The following ARID3A variants were observed in gnomAD, a reference collection of about 807,000 sequenced individuals.
The protein encoded by ARID3A is AT-rich interaction domain 3A, also known as AT-rich interactive domain-containing protein 3A.
A neutral mutation model predicts 52.7 loss-of-function variants in ARID3A; 11 were observed. That is an observed-to-expected ratio of 0.21 (90% CI 0.13 to 0.35). The LOEUF (loss-of-function observed/expected upper bound fraction) is 0.35. ARID3A is among the 10% of genes least tolerant of loss of function. The pLI, the probability that ARID3A is intolerant of heterozygous loss-of-function variation, is 1.00. For missense variants in ARID3A, 721 were observed against 838.5 expected, an observed-to-expected ratio of 0.86 and a Z score of 1.73; for synonymous variants, 404 against 359.4, an observed-to-expected ratio of 1.12 and a Z score of -1.40.
upstream of ARID3A, chr19:926,028 G>T (rs1002802300): frequency 6.6e-6 from 1 of 150,834 alleles, no homozygotes; most frequent in African/African-American, 2.4e-5. Context: ...ATCGGGCGGA[G>T]GGGTGTAGAC....
rs2037856977 is a variant in ARID3A, at chr19:953,839, T to C, written c.694-6253T>C. 2.0e-5 allele frequency among the ~76,000 whole-genome samples: 3 copies of C among 152,112 alleles called. No individual in the cohort carries two copies. In the South Asian group the frequency reaches 6.2e-4, roughly 32 times the overall value. Reference sequence around the variant, plus strand: ...CTGTAATCCCAGCGCTGTGGGAGGCTGAGGCAGGAGGATCACTTAAGGCCA... The same window carrying C: ...CTGTAATCCCAGCGCTGTGGGAGGCCGAGGCAGGAGGATCACTTAAGGCCA... On this transcript the variant is annotated intron_variant, in intron 3 of 8. Transcript: ENST00000263620.
In ARID3A at chr19:975,602, A is replaced by C. The variant is rs2038362206; in HGVS notation, c.*3537A>C. The C allele has an allele frequency of 4.7e-6, 1 of 214,722 alleles. No homozygotes were observed. Among genetic ancestry groups the C allele is most frequent in the Non-Finnish European group, 9.4e-6 (1 of 106,616 alleles). The allele number at this position is 214,722 out of a possible 1,614,324, so 13.3% of individuals were successfully genotyped here. A position where few individuals can be genotyped will look rare whatever the true frequency, so the allele number is the denominator to read the frequency against. On this transcript the variant is annotated 3_prime_UTR_variant, in exon 9 of 9. Transcript: ENST00000263620. ...AACTCAGGTAATAGGAGGAAAAAAAAAAAAACTTAAAAAAATTTTTAAAAA... is the reference window on the plus strand; with the variant it reads ...AACTCAGGTAATAGGAGGAAAAAAACAAAAACTTAAAAAAATTTTTAAAAA...
intron 3 of ARID3A, among the ~76,000 whole-genome samples, chr19:939,291 G>A (rs879470376): frequency 1.6e-4 from 25 of 151,890 alleles, no homozygotes; most frequent in Non-Finnish European, 3.2e-4. Flanking sequence ...GCTTATTTTT[G>A]TATTTTTAGT....
In ARID3A at chr19:940,277, A is replaced by G. The variant is rs544913433; in HGVS notation, c.693+7535A>G. 1.1e-4 allele frequency among the ~76,000 whole-genome samples: 16 copies of G among 152,298 alleles called. No homozygotes were observed. The East Asian group carries it at 2.5e-3, about 24-fold the overall frequency. On this transcript the variant is annotated intron_variant, in intron 3 of 8. Coordinates refer to ENST00000263620, the MANE Select transcript of ARID3A (RefSeq NM_005224.3). Reference sequence around the variant, plus strand: ...TGGACCACATGTAAAATACAGTAACACTAATGATACCTGATGAGCCAAAAA... The same window carrying G: ...TGGACCACATGTAAAATACAGTAACGCTAATGATACCTGATGAGCCAAAAA...
intron 3 of ARID3A, among the ~76,000 whole-genome samples, chr19:954,256 C>G (rs1379962846): frequency 1.3e-5 from 2 of 152,194 alleles, no homozygotes; most frequent in African/African-American, 4.8e-5. Flanking sequence ...TGGCTTGGCT[C>G]CACGCGCTCT....
At chr19:963,850 C>T (rs2038092011) in intron 4 of ARID3A, among the ~76,000 whole-genome samples, 1 of 152,218 alleles carries the variant, frequency 6.6e-6, no homozygotes, top group Non-Finnish European at 1.5e-5. Flanking sequence ...TGCAGAGCCC[C>T]TGTCAGTGTG....
intron 3 of ARID3A, among the ~76,000 whole-genome samples, chr19:937,078 G>C (rs2145369987): frequency 6.6e-6 from 1 of 152,142 alleles, no homozygotes; most frequent in East Asian, 1.9e-4. Flanking sequence ...GACCAGCCTG[G>C]CCAACACAGC....
intron 3 of ARID3A, among the ~76,000 whole-genome samples, chr19:948,560 C>T (rs2037735144): frequency 1.3e-5 from 2 of 152,086 alleles, no homozygotes; most frequent in Non-Finnish European, 2.9e-5. Context: ...CCAGGTCCTC[C>T]TGCCCCCCGT....
rs1484732932 is a variant in ARID3A, at chr19:938,207, T to C, written c.693+5465T>C. ...GCGTGGTTTCTCACTGTGGTTCTGA[T>C]TTTCATTCAGTGTCAGGATCTCTCC... is the stretch of plus-strand genomic sequence containing the variant. On this transcript the variant is annotated intron_variant, in intron 3 of 8. Coordinates refer to ENST00000263620, the MANE Select transcript of ARID3A (RefSeq NM_005224.3). This position sits in a 1 kb window ranked among gnomAD's most constrained non-coding sequence, Gnocchi z 4.0. 6.6e-6 allele frequency among the ~76,000 whole-genome samples: 1 copy of C among 152,158 alleles called. No individual in the cohort carries two copies. Among genetic ancestry groups the C allele is most frequent in the South Asian group, 2.1e-4 (1 of 4,830 alleles).
chr19:968,428 G>C lies in ARID3A; in HGVS notation c.1519G>C (p.Ala507Pro). The change falls in exon 8 of 9, where the codon GCT becomes CCT. Residue 507 changes from alanine to proline, a missense_variant. Ala to Pro is a conservative substitution (Grantham distance 27, BLOSUM62 -1). This residue lies in a region of ARID3A where 297 missense variants were observed against 343.2 expected (regional missense o/e 0.87). Transcript: ENST00000263620. ...SQASESRQDS[A>P]VNLTGTNGSN... ...AGCCTCCGAAAGCCGCCAGGACTCT[G>C]CTGTGAACCTGACGGGCACCAACGG... is the stretch of plus-strand genomic sequence containing the variant. The C allele has an allele frequency of 6.2e-7, 1 of 1,614,060 alleles. No homozygotes were observed. The highest frequency in any genetic ancestry group is 8.5e-7 in the Non-Finnish European group (1 of 1,179,962).
At chr19:926,670 G>A (rs1396033559) in intron 1 of ARID3A, among the ~76,000 whole-genome samples, 1 of 151,344 alleles carries the variant, frequency 6.6e-6, no homozygotes, top group African/African-American at 2.4e-5. Flanking sequence ...AGACACCGCG[G>A]CCCCCGGGCG....
rs887827794 is a variant in ARID3A, at chr19:975,571, G to A, written c.*3506G>A. On this transcript the variant is annotated 3_prime_UTR_variant, in exon 9 of 9. Coordinates refer to ENST00000263620, the MANE Select transcript of ARID3A (RefSeq NM_005224.3). The stretch of plus-strand genomic sequence containing the variant: ...GTTTGTCAGACGGCGTGGGAACCAC[G>A]CCTGAAACTCAGGTAATAGGAGGAA... The A allele has an allele frequency of 9.2e-5, 19 of 205,884 alleles. No individual in the cohort carries two copies. Among genetic ancestry groups the A allele is most frequent in the South Asian group, 1.9e-4 (1 of 5,308 alleles). 12.8% of individuals were successfully genotyped at this position (205,884 alleles called of 1,614,324 possible).
rs998013772 is a variant in ARID3A, at chr19:944,254, G to A, written c.693+11512G>A. Reference sequence around the variant, plus strand: ...TGACGTCGGCAGCGCGGTGGAGGGCGGGCCTGTCTCGCCGTTATCTCCCAG... The same window carrying A: ...TGACGTCGGCAGCGCGGTGGAGGGCAGGCCTGTCTCGCCGTTATCTCCCAG... On this transcript the variant is annotated intron_variant, in intron 3 of 8. Transcript: ENST00000263620. The surrounding 1 kb of genome is among the most constrained non-coding windows in gnomAD (Gnocchi z 5.9). Among the ~76,000 whole-genome samples, 2 of 151,912 alleles carry A rather than the reference G, an allele frequency of 1.3e-5. No homozygotes were observed. Among genetic ancestry groups the A allele is most frequent in the African/African-American group, 2.4e-5 (1 of 41,188 alleles).
At chr19:933,028 G>C (rs1233692413) in intron 3 of ARID3A, among the ~76,000 whole-genome samples, 2 of 152,196 alleles carry the variant, frequency 1.3e-5, no homozygotes, top group Non-Finnish European at 2.9e-5. Flanking sequence ...AGATGGAAAG[G>C]TGGGCCTGGG....
chr19:959,788 C>T lies in ARID3A; in HGVS notation c.694-304C>T, dbSNP rs1030598180. Among the ~76,000 whole-genome samples, 2 of 152,130 alleles carry T rather than the reference C, an allele frequency of 1.3e-5. No individual in the cohort carries two copies. Among genetic ancestry groups the T allele is most frequent in the Non-Finnish European group, 2.9e-5 (2 of 68,018 alleles). On this transcript the variant is annotated intron_variant, in intron 3 of 8. Transcript: ENST00000263620. This position sits in a 1 kb window ranked among gnomAD's most constrained non-coding sequence, Gnocchi z 5.0. ...GGAGCGCTGCGGCCACAAGCCAGGA[C>T]GCACCTTGATCTGGGGTTCCCGGGC...
At chr19:926,545 C>T (rs1294519247) in intron 1 of ARID3A, among the ~76,000 whole-genome samples, 1 of 151,780 alleles carries the variant, frequency 6.6e-6, no homozygotes, top group African/African-American at 2.4e-5. Flanking sequence ...TCCCCGAAAT[C>T]AGGGATTTAT....
At chr19:949,064 C>T (rs911555189) in intron 3 of ARID3A, among the ~76,000 whole-genome samples, 5 of 152,228 alleles carry the variant, frequency 3.3e-5, no homozygotes, top group Middle Eastern at 3.4e-3. Flanking sequence ...GCACTCTGGC[C>T]GCCTCCTTCC....
intron 4 of ARID3A, chr19:961,999 T>C (rs893487052): frequency 6.6e-6 from 1 of 151,988 alleles, no homozygotes; most frequent in African/African-American, 2.4e-5. Flanking sequence ...GCCGTGAGGG[T>C]TGGTGTCCAG....
rs1006152308 is a variant in ARID3A, at chr19:959,505, G to A, written c.694-587G>A. On this transcript the variant is annotated intron_variant, in intron 3 of 8. Transcript: ENST00000263620. The surrounding 1 kb of genome is among the most constrained non-coding windows in gnomAD (Gnocchi z 5.0). Reference sequence around the variant, plus strand: ...TTGCCCAGGCTGGTCTTGAATTCCCGGGCTCAAGCGATTCACCCGCCTCCC... The same window carrying A: ...TTGCCCAGGCTGGTCTTGAATTCCCAGGCTCAAGCGATTCACCCGCCTCCC... Among the ~76,000 whole-genome samples, 3 of 152,080 alleles carry A rather than the reference G, an allele frequency of 2.0e-5. No homozygotes were observed. Among genetic ancestry groups the A allele is most frequent in the South Asian group, 2.1e-4 (1 of 4,832 alleles).
Sources: gnomAD v4.1 joint callset for allele counts (sites outside exome capture counted in the v4.1 genomes callset) on GRCh38, gnomAD v4.1.1 for gene constraint, gnomAD v4.1.1 regional missense constraint, Gnocchi (gnomAD v3.1) non-coding constraint, MANE v1.5 for transcripts, NCBI Gene and HGNC (gene_info 2026-07-23, HGNC 2026-07-21) for gene names.